The following TMLHE variants were observed in gnomAD, a reference collection of about 807,000 sequenced individuals.
TMLHE encodes the protein trimethyllysine dioxygenase, mitochondrial.
In TMLHE, 18 loss-of-function variants were observed where a neutral mutation model predicts 25.7. That is an observed-to-expected ratio of 0.70 (90% CI 0.48 to 1.04). TMLHE has a LOEUF of 1.04. Ranked by LOEUF, TMLHE falls within the 50% of genes least tolerant of loss-of-function variation. The pLI is 0.00. For missense variants in TMLHE, 236 were observed against 259.0 expected (o/e 0.91, Z 0.61); for synonymous variants, 105 against 97.0 (o/e 1.08, Z -0.49).
intron 2 of TMLHE, among the ~76,000 whole-genome samples, chrX:155,543,628 TC>T (rs1432748277): frequency 8.9e-6 from 1 of 112,169 alleles, no homozygotes; most frequent in Non-Finnish European, 1.9e-5. Context: ...TCAATGCAGC[TC>T]CTGTCAAAAT....
At chrX:155,513,232 A>T (rs1378782526) in intron 4 of TMLHE, among the ~76,000 whole-genome samples, 1 of 111,714 alleles carries the variant, frequency 9.0e-6, no homozygotes, top group Admixed American at 9.5e-5. Context: ...TTGACATCAC[A>T]CTTAATACTA....
chrX:155,602,250 G>A (rs1210139727), intron 1 of TMLHE, among the ~76,000 whole-genome samples: 3 of 111,213 alleles, frequency 2.7e-5, no homozygotes, highest in African/African-American at 9.8e-5. Flanking sequence ...CCAAATTAAG[G>A]TAATACCCTA....
intron 5 of TMLHE, among the ~76,000 whole-genome samples, chrX:155,510,698 C>T (rs1160295203): frequency 9.2e-6 from 1 of 108,967 alleles, no homozygotes; most frequent in African/African-American, 3.3e-5. Context: ...TGAATAGTGC[C>T]ACAGTAAACA....
Position 155,544,315 on chromosome X carries a change from T to A in TMLHE, c.181+781A>T, listed in dbSNP as rs1557338478. The stretch of plus-strand genomic sequence containing the variant: ...AAGTTAAAATGAGGTCACACTGGAT[T>A]AGGGTGTGTTCTAAATCCAATGACT... On this transcript the variant is annotated intron_variant, in intron 2 of 7. Coordinates refer to ENST00000334398, the MANE Select transcript of TMLHE (RefSeq NM_018196.4). 1.8e-5 allele frequency among the ~76,000 whole-genome samples: 2 copies of A among 112,145 alleles called. 1 individual carries two copies. The highest frequency in any genetic ancestry group is 1.9e-4 in the Admixed American group (2 of 10,603).
chrX:155,578,823 C>T (rs782087204), intron 1 of TMLHE, among the ~76,000 whole-genome samples: 4 of 111,570 alleles, frequency 3.6e-5, no homozygotes, highest in Non-Finnish European at 5.7e-5. Flanking sequence ...GGCCCCAAAA[C>T]TGGCACACTT....
chrX:155,570,740 G>A (rs1246397339), intron 1 of TMLHE, among the ~76,000 whole-genome samples: 4 of 56,737 alleles, frequency 7.1e-5, no homozygotes, highest in African/African-American at 1.7e-4. Context: ...ATGACTACTG[G>A]GTACATAACG....
chrX:155,611,583 C>T (rs1237452887), intron 1 of TMLHE: 1 of 111,431 alleles, frequency 9.0e-6, no homozygotes, highest in African/African-American at 3.3e-5. Flanking sequence ...CTAGGTGGGG[C>T]ACACTAAACA....
At position 155,562,742 on chromosome X, in the gene TMLHE, G is replaced by A. The variant is rs185070151; in HGVS notation, c.-1-17465C>T. On this transcript the variant is annotated intron_variant, in intron 1 of 7. Coordinates refer to ENST00000334398, the MANE Select transcript of TMLHE (RefSeq NM_018196.4). Reference sequence around the variant, plus strand: ...ACACTATGCTGTTAGGAACAGCCAGGTTACTTCTTGAACACTTTGCTGCTT... The same window carrying A: ...ACACTATGCTGTTAGGAACAGCCAGATTACTTCTTGAACACTTTGCTGCTT... 6.1e-4 allele frequency among the ~76,000 whole-genome samples: 38 copies of A among 62,071 alleles called. 4 individuals carry two copies. The highest frequency in any genetic ancestry group is 1.4e-3 in the African/African-American group (38 of 27,959). The allele number at this position is 62,071 out of a possible 115,157, so 53.9% of individuals were successfully genotyped here. A position where few individuals can be genotyped will look rare whatever the true frequency, so the allele number is the denominator to read the frequency against.
chrX:155,515,546 T>C (rs967939792), intron 3 of TMLHE, among the ~76,000 whole-genome samples: 8 of 111,696 alleles, frequency 7.2e-5, no homozygotes, highest in Non-Finnish European at 1.3e-4. Context: ...AGAGTTCTGA[T>C]ATACATAATC....
Position 155,505,179 on chromosome X carries a change from T to TGC in TMLHE, c.995+1718_995+1719insGC, listed in dbSNP as rs200009324. ...AATGAATAGATGGGAAGATAGGTGA[T>TGC]AAAGCAAGTATAGAAATATCTTAAT... On this transcript the variant is annotated intron_variant, in intron 6 of 7. Transcript: ENST00000334398. Among the ~76,000 whole-genome samples, 773 of 111,934 alleles carry TGC rather than the reference T, an allele frequency of 6.9e-3. 7 individuals are homozygous for TGC. The highest frequency in any genetic ancestry group is 0.024 in the African/African-American group (735 of 30,982).
chrX:155,602,973 C>CAACTA (rs1377831416), intron 1 of TMLHE, among the ~76,000 whole-genome samples: 1 of 111,501 alleles, frequency 9.0e-6, no homozygotes, highest in Non-Finnish European at 1.9e-5. Flanking sequence ...TTGAAAAATC[C>CAACTA]AATACTGTTA....
At chrX:155,574,226 T>A (rs983423134) in intron 1 of TMLHE, among the ~76,000 whole-genome samples, 3 of 108,400 alleles carry the variant, frequency 2.8e-5, no homozygotes, top group Non-Finnish European at 5.7e-5. Context: ...CTTGAAAAGT[T>A]CTGACATATC....
At chrX:155,587,424 A>G (rs2067671697) in intron 1 of TMLHE, among the ~76,000 whole-genome samples, 1 of 111,986 alleles carries the variant, frequency 8.9e-6, no homozygotes. Context: ...AATGGAAAAA[A>G]GCTAAAAGCC....
rs1458868102 is a variant in TMLHE, at chrX:155,566,342, A to G, written c.-1-21065T>C. On this transcript the variant is annotated intron_variant, in intron 1 of 7. Coordinates refer to ENST00000334398, the MANE Select transcript of TMLHE (RefSeq NM_018196.4). ...TGTTGCCACTAGAATCATTGTATCA[A>G]AGATATATTTTTCTAGGAGGCAGAT... Among the ~76,000 whole-genome samples, 2 of 61,859 alleles carry G rather than the reference A, an allele frequency of 3.2e-5. 1 individual carries two copies. The highest frequency in any genetic ancestry group is 9.1e-5 in the Non-Finnish European group (2 of 22,072). 53.7% of individuals were successfully genotyped at this position (61,859 alleles called of 115,157 possible). A position where few individuals can be genotyped will look rare whatever the true frequency, so the allele number is the denominator to read the frequency against.
At chrX:155,554,089 T>C (rs1464955678) in intron 1 of TMLHE, among the ~76,000 whole-genome samples, 1 of 109,674 alleles carries the variant, frequency 9.1e-6, no homozygotes, top group Non-Finnish European at 1.9e-5. Flanking sequence ...AAACTGCAGC[T>C]TCAAACTCCT....
At chrX:155,583,820 G>C (rs1173703721) in intron 1 of TMLHE, among the ~76,000 whole-genome samples, 1 of 111,059 alleles carries the variant, frequency 9.0e-6, no homozygotes, top group African/African-American at 3.3e-5. Context: ...GGTAGGAGGG[G>C]AGTGAGGGAT....
intron 1 of TMLHE, among the ~76,000 whole-genome samples, chrX:155,611,825 CTTCT>C (rs1381638683): frequency 8.9e-6 from 1 of 111,757 alleles, no homozygotes; most frequent in African/African-American, 3.3e-5. Context: ...GTTTATAGTC[CTTCT>C]TTGTCTTTAT....
At chrX:155,526,340 C>T (rs1453108502) in intron 2 of TMLHE, among the ~76,000 whole-genome samples, 1 of 112,835 alleles carries the variant, frequency 8.9e-6, no homozygotes, top group African/African-American at 3.2e-5. Context: ...AGGATGCAGG[C>T]CCCAAGTGGT....
At chrX:155,595,154 G>C (rs1362824138) in intron 1 of TMLHE, among the ~76,000 whole-genome samples, 7 of 111,716 alleles carry the variant, frequency 6.3e-5, no homozygotes, top group African/African-American at 1.9e-4. Context: ...TCACGGTCAA[G>C]ATAAATGTAA....
Sources: allele counts gnomAD v4.1 joint callset (sites outside exome capture counted in the v4.1 genomes callset), GRCh38; gene constraint gnomAD v4.1.1; transcripts MANE v1.5; gene names NCBI Gene and HGNC (gene_info 2026-07-23, HGNC 2026-07-21).